The following FLI1 variants were observed in gnomAD, a reference collection of about 807,000 sequenced individuals.
FLI1 encodes Fli-1 proto-oncogene, ETS transcription factor.
FLI1 carries 13 observed loss-of-function variants against 53.1 expected under a neutral mutation model. The ratio of observed to expected loss-of-function variants is 0.24; its 90% confidence interval spans 0.16 to 0.39. FLI1 has a LOEUF of 0.39. Among genes scored for constraint, FLI1 ranks in the 10% least tolerant of loss-of-function variants. The probability of loss-of-function intolerance (pLI) is 1.00; values close to 1 mark genes in which losing one functional copy is unlikely to be tolerated. For missense variants in FLI1, 424 were observed against 600.5 expected (o/e 0.71, Z 3.07); for synonymous variants, 244 against 236.7 (o/e 1.03, Z -0.28).
At chr11:128,736,220 A>T (rs1418167456) in intron 1 of FLI1, among the ~76,000 whole-genome samples, 2 of 150,992 alleles carry the variant, frequency 1.3e-5, no homozygotes, top group South Asian at 2.1e-4. Flanking sequence ...CTTTCCGAAG[A>T]GCTGTAGGCA....
chr11:128,781,962 A>G lies in FLI1; in HGVS notation c.594A>G (p.Ser198=), dbSNP rs751054528. Residue 198 remains serine, a synonymous_variant, in exon 5 of 9, where the codon TCA becomes TCG. Transcript: ENST00000527786. ...LSHLSYLRES[S]LLAYNTTSHT... is the part of the protein sequence containing the mutation. Reference sequence around the variant, plus strand: ...TGTTTATGTTTTGCCTCTCAGGTTCACTGCTGGCCTATAATACAACCTCCC... The same window carrying G: ...TGTTTATGTTTTGCCTCTCAGGTTCGCTGCTGGCCTATAATACAACCTCCC... 6.2e-6 allele frequency: 10 copies of G among 1,613,546 alleles called. No homozygotes were observed. Among genetic ancestry groups the G allele is most frequent in the South Asian group, 1.1e-5 (1 of 91,070 alleles).
chr11:128,713,666 T>C (rs1938884122), intron 1 of FLI1, among the ~76,000 whole-genome samples: 1 of 151,656 alleles, frequency 6.6e-6, no homozygotes, highest in African/African-American at 2.4e-5. Context: ...CAAAGGGTTC[T>C]ATGAAAGGGG....
intron 1 of FLI1, among the ~76,000 whole-genome samples, chr11:128,745,299 T>C (rs184449864): frequency 2.0e-5 from 3 of 151,880 alleles, no homozygotes; most frequent in African/African-American, 7.2e-5. Flanking sequence ...AGGAGCAGAA[T>C]GAAATAGAGC....
intron 2 of FLI1, among the ~76,000 whole-genome samples, chr11:128,764,009 A>G (rs1294238264): frequency 6.6e-6 from 1 of 152,174 alleles, no homozygotes. Flanking sequence ...CGCGGGTCCT[A>G]ATGCAGCCAT....
chr11:128,721,539 A>C (rs1006866315), intron 1 of FLI1, among the ~76,000 whole-genome samples: 7 of 152,174 alleles, frequency 4.6e-5, no homozygotes, highest in African/African-American at 1.7e-4. Context: ...GTTCAGTCTC[A>C]CAGTCCAGCT....
At position 128,805,266 on chromosome 11, in the gene FLI1, A is replaced by G; in HGVS notation, c.656-100A>G. On this transcript the variant is annotated intron_variant, in intron 5 of 8. Transcript: ENST00000527786. ...AGGGATGCTTTAAAAGCCATTGCTGAATTGAATTTTATTTCTCCTGATCAC... is the reference window on the plus strand; with the variant it reads ...AGGGATGCTTTAAAAGCCATTGCTGGATTGAATTTTATTTCTCCTGATCAC... 3 of 671,980 alleles carry G rather than the reference A, an allele frequency of 4.5e-6. No individual in the cohort carries two copies. The East Asian group carries it at 9.0e-5, about 20-fold the overall frequency. The allele number at this position is 671,980 out of a possible 1,614,324, so 41.6% of individuals were successfully genotyped here. A position where few individuals can be genotyped will look rare whatever the true frequency, so the allele number is the denominator to read the frequency against.
At chr11:128,730,701 C>T (rs575824065) in intron 1 of FLI1, among the ~76,000 whole-genome samples, 17 of 152,252 alleles carry the variant, frequency 1.1e-4, no homozygotes, top group Middle Eastern at 3.4e-3. Context: ...GGATACACCA[C>T]GAAGGGGTGT....
chr11:128,739,350 C>T (rs994952867), intron 1 of FLI1, among the ~76,000 whole-genome samples: 4 of 152,104 alleles, frequency 2.6e-5, no homozygotes, highest in Admixed American at 1.3e-4. Context: ...AAAACAAGCC[C>T]GGAAAGGCTG....
At chr11:128,733,739 T>C (rs188377214) in intron 1 of FLI1, among the ~76,000 whole-genome samples, 1 of 152,218 alleles carries the variant, frequency 6.6e-6, no homozygotes, top group Non-Finnish European at 1.5e-5. Context: ...AGAAGTTTTC[T>C]CTGTTGTGCC....
chr11:128,752,985 G>A (rs1476308073), intron 1 of FLI1, among the ~76,000 whole-genome samples: 1 of 152,196 alleles, frequency 6.6e-6, no homozygotes, highest in Non-Finnish European at 1.5e-5. Context: ...CGGCAAATGT[G>A]AGTGATCTGC....
At chr11:128,758,392 C>A in intron 2 of FLI1, 66 bp downstream of exon 2, 2 of 1,363,600 alleles carry the variant, frequency 1.5e-6, no homozygotes, top group Non-Finnish European at 2.1e-6. Context: ...CAGCAAGTGG[C>A]TTCTGGCACT....
intron 1 of FLI1, among the ~76,000 whole-genome samples, chr11:128,748,017 T>C (rs1422669814): frequency 6.6e-6 from 1 of 152,060 alleles, no homozygotes; most frequent in Admixed American, 6.6e-5. Context: ...ACACTCAAAG[T>C]CAACAGGCAA....
At chr11:128,745,648 G>A (rs1304849261) in intron 1 of FLI1, among the ~76,000 whole-genome samples, 2 of 152,232 alleles carry the variant, frequency 1.3e-5, no homozygotes, top group African/African-American at 4.8e-5. Context: ...CATGCCCTGA[G>A]AGGAAACGAA....
At chr11:128,784,875 G>A (rs775660678) in intron 5 of FLI1, among the ~76,000 whole-genome samples, 2 of 152,224 alleles carry the variant, frequency 1.3e-5, no homozygotes, top group Non-Finnish European at 2.9e-5. Context: ...GTGTGTGTGT[G>A]TGTCTGTGTG....
At position 128,807,205 on chromosome 11, in the gene FLI1, G is replaced by A. The variant is rs200640652; in HGVS notation, c.747G>A (p.Thr249=). The change falls in exon 7 of 9, where the codon ACG becomes ACA. Residue 249 remains threonine, a synonymous_variant. Transcript: ENST00000527786. ...NKSPPLGGAQ[T]ISKNTEQRPQ... Reference sequence around the variant, plus strand: ...GTCCTCCCCTTGGAGGGGCACAAACGATCAGTAAGAATACAGAGCAACGGC... The same window carrying A: ...GTCCTCCCCTTGGAGGGGCACAAACAATCAGTAAGAATACAGAGCAACGGC... 2.1e-5 allele frequency: 34 copies of A among 1,599,940 alleles called. 1 individual carries two copies. The highest frequency in any genetic ancestry group is 3.3e-4 in the Middle Eastern group (2 of 6,060).
At chr11:128,687,379 C>A (rs1335167030) in intron 1 of FLI1, among the ~76,000 whole-genome samples, 1 of 152,016 alleles carries the variant, frequency 6.6e-6, no homozygotes, top group Non-Finnish European at 1.5e-5. Flanking sequence ...GCGGGGAGTG[C>A]GCACCAGGAG....
At chr11:128,782,160 T>A in intron 5 of FLI1, 137 bp downstream of exon 5, 1 of 642,630 alleles carries the variant, frequency 1.6e-6, no homozygotes. Context: ...CAAGCCAAAA[T>A]TTTCGCCACT....
intron 1 of FLI1, among the ~76,000 whole-genome samples, chr11:128,687,759 T>C (rs866831147): frequency 1.3e-5 from 2 of 152,112 alleles, no homozygotes; most frequent in Non-Finnish European, 2.9e-5. Flanking sequence ...AAGGAAAACT[T>C]GTCACACGGA....
intron 1 of FLI1, among the ~76,000 whole-genome samples, chr11:128,727,502 C>T (rs1398845065): frequency 2.0e-5 from 3 of 152,196 alleles, no homozygotes; most frequent in Non-Finnish European, 4.4e-5. Flanking sequence ...GCAGCCAGGA[C>T]CTGGACAGAG....
Sources: gnomAD v4.1 joint callset for allele counts (sites outside exome capture counted in the v4.1 genomes callset) on GRCh38, gnomAD v4.1.1 for gene constraint, MANE v1.5 for transcripts, NCBI Gene and HGNC (gene_info 2026-07-23, HGNC 2026-07-21) for gene names.